The following DROSHA variants were observed in gnomAD, a reference collection of about 807,000 sequenced individuals.
DROSHA encodes the protein drosha ribonuclease III, also known as ribonuclease 3.
A neutral mutation model predicts 181.9 loss-of-function variants in DROSHA; 56 were observed. That is an observed-to-expected ratio of 0.31 (90% CI 0.25 to 0.38). The LOEUF (loss-of-function observed/expected upper bound fraction) is 0.38. Among genes scored for constraint, DROSHA ranks in the 10% least tolerant of loss-of-function variants. DROSHA has a pLI of 1.00. For synonymous variants in DROSHA, 524 were observed against 591.2 expected (o/e 0.89, Z 1.65); for missense variants, 1,218 against 1,743.5 (o/e 0.70, Z 5.37).
intron 20 of DROSHA, among the ~76,000 whole-genome samples, chr5:31,456,463 T>TACAC (rs35756228): frequency 0.37 from 54,576 of 146,374 alleles, 11,496 homozygotes; most frequent in Non-Finnish European, 0.5. Flanking sequence ...GACAACAAGA[T>TACAC]ACACACACAC....
chr5:31,443,778 C>T (rs1745936068), intron 23 of DROSHA, among the ~76,000 whole-genome samples: 1 of 152,110 alleles, frequency 6.6e-6, no homozygotes, highest in Admixed American at 6.5e-5. Context: ...AACTGCTGAC[C>T]GTAACCCTTC....
chr5:31,526,369 G>A lies in DROSHA; in HGVS notation c.564C>T (p.Asn188=), dbSNP rs374489768. 1.9e-6 allele frequency: 3 copies of A among 1,613,626 alleles called. No homozygotes were observed. Among genetic ancestry groups the A allele is most frequent in the African/African-American group, 1.3e-5 (1 of 74,822 alleles). Residue 188 remains asparagine (N), a synonymous_variant, in exon 5 of 36, where the codon AAC becomes AAT. Coordinates refer to ENST00000344624, the MANE Select transcript of DROSHA (RefSeq NM_001382508.1). The part of the protein sequence containing the change: ...PPPSFNSFQN[N]PSSFLPSANN... The stretch of plus-strand genomic sequence containing the variant: ...TAGCACTGGGCAGGAAAGAACTAGG[G>A]TTGTTCTGGAAACTATTAAAACTGG...
intron 16 of DROSHA, among the ~76,000 whole-genome samples, chr5:31,479,221 A>C (rs1207538372): frequency 6.6e-6 from 1 of 152,246 alleles, no homozygotes. Context: ...AAAACAATAC[A>C]AATCAAGCCA....
intron 16 of DROSHA, among the ~76,000 whole-genome samples, chr5:31,474,113 C>A (rs1750078238): frequency 1.3e-5 from 2 of 152,248 alleles, no homozygotes; most frequent in South Asian, 2.1e-4. Flanking sequence ...AAATAAAGTT[C>A]TTTTAATCAA....
intron 20 of DROSHA, among the ~76,000 whole-genome samples, chr5:31,458,087 C>G (rs113767604): frequency 6.6e-6 from 1 of 152,130 alleles, no homozygotes; most frequent in Admixed American, 6.5e-5. Context: ...GTAAGACTTA[C>G]GATTTTTTGA....
chr5:31,492,201 A>T lies in DROSHA; in HGVS notation c.1842+1006T>A, dbSNP rs1438605107. Reference sequence around the variant, plus strand: ...TACATTACAATGTAATCATCTTCTCAAAGAAAATTCTCTAGGATAAAAAAT... The same window carrying T: ...TACATTACAATGTAATCATCTTCTCTAAGAAAATTCTCTAGGATAAAAAAT... On this transcript the variant is annotated intron_variant, in intron 13 of 35. Transcript: ENST00000344624. Among the ~76,000 whole-genome samples, 5 of 152,250 alleles carry T rather than the reference A, an allele frequency of 3.3e-5. No homozygotes were observed. In the East Asian group the frequency reaches 7.7e-4, roughly 23 times the overall value.
At chr5:31,406,296 A>C (rs551992903) in intron 34 of DROSHA, among the ~76,000 whole-genome samples, 2 of 152,176 alleles carry the variant, frequency 1.3e-5, no homozygotes, top group South Asian at 2.1e-4. Flanking sequence ...GGACCACTTG[A>C]GGTCAGAAGT....
chr5:31,433,543 A>G (rs1257599071), intron 25 of DROSHA, among the ~76,000 whole-genome samples: 3 of 151,680 alleles, frequency 2.0e-5, no homozygotes, highest in South Asian at 2.1e-4. Context: ...GCATTAGCAC[A>G]ACTTCTTTTT....
chr5:31,524,638 C>T (rs1740311613), intron 5 of DROSHA, among the ~76,000 whole-genome samples: 1 of 152,162 alleles, frequency 6.6e-6, no homozygotes, highest in South Asian at 2.1e-4. Flanking sequence ...GGATAACAGA[C>T]TCACACCCTC....
chr5:31,456,564 A>G (rs1445946619), intron 20 of DROSHA, among the ~76,000 whole-genome samples: 1 of 152,282 alleles, frequency 6.6e-6, no homozygotes, highest in Non-Finnish European at 1.5e-5. Context: ...TTGTCAGTAT[A>G]AAGGTAATCA....
chr5:31,487,941 CTAAAA>C (rs1751970505), intron 13 of DROSHA, among the ~76,000 whole-genome samples: 1 of 152,030 alleles, frequency 6.6e-6, no homozygotes, highest in Non-Finnish European at 1.5e-5. Context: ...CATAGGTACT[CTAAAA>C]TAAGCTACGG....
chr5:31,466,378 T>C, intron 18 of DROSHA, 97 bp from the exon 19 acceptor site: 1 of 956,844 alleles, frequency 1.0e-6, no homozygotes, highest in Middle Eastern at 2.2e-4. Context: ...AAATCATACA[T>C]TACATTCTTT....
chr5:31,426,650 A>G (rs1433616442), intron 27 of DROSHA, among the ~76,000 whole-genome samples: 1 of 152,164 alleles, frequency 6.6e-6, no homozygotes, highest in Non-Finnish European at 1.5e-5. Context: ...TAAAGTACAT[A>G]GGCACAAAAA....
At chr5:31,531,172 A>C (rs1203345726) in intron 2 of DROSHA, among the ~76,000 whole-genome samples, 4 of 152,212 alleles carry the variant, frequency 2.6e-5, no homozygotes, top group African/African-American at 9.6e-5. Context: ...GTGTTTTAAA[A>C]ATACAAAATA....
intron 27 of DROSHA, among the ~76,000 whole-genome samples, chr5:31,426,056 C>T (rs1188542956): frequency 6.6e-6 from 1 of 152,098 alleles, no homozygotes; most frequent in Non-Finnish European, 1.5e-5. Context: ...GATCTTGATT[C>T]ACCTTTCTTC....
At chr5:31,483,414 C>T in intron 16 of DROSHA, 140 bp downstream of exon 16, 1 of 775,120 alleles carries the variant, frequency 1.3e-6, no homozygotes, top group Non-Finnish European at 2.1e-6. Context: ...TATAATTTTA[C>T]ATTTCCGTGC....
intron 24 of DROSHA, among the ~76,000 whole-genome samples, chr5:31,436,945 A>G (rs1215243678): frequency 1.3e-5 from 2 of 152,218 alleles, no homozygotes; most frequent in Non-Finnish European, 2.9e-5. Context: ...TAAGCTCTGA[A>G]GCATCTAGAC....
intron 12 of DROSHA, among the ~76,000 whole-genome samples, chr5:31,494,817 G>T (rs1272632190): frequency 6.6e-6 from 1 of 152,066 alleles, no homozygotes; most frequent in African/African-American, 2.4e-5. Flanking sequence ...TGGGACTACA[G>T]GTGCCCGCCA....
intron 15 of DROSHA, among the ~76,000 whole-genome samples, chr5:31,484,380 C>CA (rs377304788): frequency 0.023 from 1,898 of 82,910 alleles, 357 homozygotes; most frequent in African/African-American, 0.099. Flanking sequence ...GACTCCGTCT[C>CA]AAAAAAAAAA....
Sources: gnomAD v4.1 joint callset for allele counts (sites outside exome capture counted in the v4.1 genomes callset) on GRCh38, gnomAD v4.1.1 for gene constraint, MANE v1.5 for transcripts, NCBI Gene and HGNC (gene_info 2026-07-23, HGNC 2026-07-21) for gene names.